The following AFF2 variants were observed in gnomAD, a reference collection of about 807,000 sequenced individuals.
AFF2 encodes AF4/FMR2 family member 2.
In AFF2, 14 loss-of-function variants were observed where a neutral mutation model predicts 76.9. The ratio of observed to expected loss-of-function variants is 0.18; its 90% CI spans 0.12 to 0.28. AFF2 has a LOEUF of 0.28. AFF2 is among the 10% of genes least tolerant of loss of function. The pLI is 1.00. For synonymous variants in AFF2, 398 were observed against 366.7 expected, an observed-to-expected ratio of 1.09 and a Z score of -0.98; for missense variants, 868 against 1,001.1, an observed-to-expected ratio of 0.87 and a Z score of 1.79.
chrX:148,895,078 C>T (rs1325326438), intron 8 of AFF2, among the ~76,000 whole-genome samples: 1 of 110,753 alleles, frequency 9.0e-6, no homozygotes, highest in African/African-American at 3.3e-5. Flanking sequence ...TCAATGGGTT[C>T]AAATTGTTAC....
chrX:148,780,734 C>G (rs1293642972), intron 3 of AFF2, among the ~76,000 whole-genome samples: 2 of 111,917 alleles, frequency 1.8e-5, no homozygotes, highest in African/African-American at 6.5e-5. Flanking sequence ...TACCCAGCTT[C>G]TGACGCCTAC....
At chrX:148,983,787 C>T (rs148245106) in intron 19 of AFF2, among the ~76,000 whole-genome samples, 1,503 of 108,466 alleles carry the variant, frequency 0.014, 21 homozygotes, top group South Asian at 0.066. Flanking sequence ...CCCCTATCCT[C>T]ATGCTATATA....
chrX:148,978,032 T>C (rs372374247), intron 17 of AFF2, 28 bp downstream of exon 17: 4 of 1,083,545 alleles, frequency 3.7e-6, no homozygotes, highest in Non-Finnish European at 5.1e-6. Flanking sequence ...CACAAGGAAA[T>C]TGCTGAAATG....
At chrX:148,826,392 A>C (rs1557272955) in intron 4 of AFF2, among the ~76,000 whole-genome samples, 1 of 111,565 alleles carries the variant, frequency 9.0e-6, no homozygotes, top group African/African-American at 3.3e-5. Flanking sequence ...TAATTAAAAA[A>C]AAAAAGACTT....
chrX:148,902,477 A>T (rs1011844470), intron 8 of AFF2, among the ~76,000 whole-genome samples: 9 of 111,448 alleles, frequency 8.1e-5, no homozygotes, highest in East Asian at 2.8e-4. Context: ...AGGGTTTTTT[A>T]AAAAAAAGGC....
At chrX:148,741,772 G>A (rs2055358645) in intron 3 of AFF2, among the ~76,000 whole-genome samples, 1 of 111,242 alleles carries the variant, frequency 9.0e-6, no homozygotes. Context: ...GTGGTGTCAG[G>A]CAAGAATGGG....
At chrX:148,724,755 G>A (rs190115751) in intron 3 of AFF2, among the ~76,000 whole-genome samples, 195 of 112,494 alleles carry the variant, frequency 1.7e-3, no homozygotes, top group African/African-American at 6.1e-3. Context: ...ATGTCATATA[G>A]TTAGAGTAAG....
chrX:148,558,509 G>A (rs782048003), intron 1 of AFF2, among the ~76,000 whole-genome samples: 1 of 111,319 alleles, frequency 9.0e-6, no homozygotes, highest in East Asian at 2.8e-4. Flanking sequence ...CACTGAGCTG[G>A]GTTCCCAATA....
rs2124469469 is a variant in AFF2, at chrX:148,662,743, A to T, written c.1016A>T (p.Lys339Met). ...GCCAGTTCAAAGACTAAACTGCCAA[A>T]GTTCACCATCCTCCAAACAAGTGAA... ...SAASSKTKLP[K>M]FTILQTSEVS... The change falls in exon 3 of 21, where the codon AAG becomes ATG. Residue 339 changes from lysine to methionine, a missense_variant. Physicochemically the swap from Lys to Met is moderately conservative, Grantham distance 95. This residue lies in a region of AFF2 where 532 missense variants were observed against 564.2 expected (regional missense o/e 0.94). Transcript: ENST00000370460. The T allele has an allele frequency of 1.7e-6, 2 of 1,209,252 alleles. No homozygotes were observed. Among genetic ancestry groups the T allele is most frequent in the Non-Finnish European group, 2.2e-6 (2 of 894,023 alleles).
chrX:148,825,162 A>C (rs184707585), intron 4 of AFF2, among the ~76,000 whole-genome samples: 1 of 111,845 alleles, frequency 8.9e-6, no homozygotes, highest in Admixed American at 9.4e-5. Context: ...TTCCTGCTAC[A>C]TGATTGGAGT....
At chrX:148,658,878 G>C (rs782589394) in intron 2 of AFF2, among the ~76,000 whole-genome samples, 86 of 111,998 alleles carry the variant, frequency 7.7e-4, no homozygotes, top group Middle Eastern at 4.6e-3. Context: ...TTTTGATATA[G>C]ACAGGGTATG....
At chrX:148,685,116 A>G (rs1163067673) in intron 3 of AFF2, among the ~76,000 whole-genome samples, 2 of 111,724 alleles carry the variant, frequency 1.8e-5, no homozygotes, top group African/African-American at 6.5e-5. Flanking sequence ...TAAGCATGCT[A>G]AGACCCAAAT....
intron 9 of AFF2, among the ~76,000 whole-genome samples, chrX:148,931,492 CT>C (rs1162427318): frequency 9.0e-6 from 1 of 111,514 alleles, no homozygotes; most frequent in Non-Finnish European, 1.9e-5. Context: ...ACTTTAGTCA[CT>C]ATATAAACAC....
chrX:148,644,735 C>T (rs1430269330), intron 1 of AFF2, among the ~76,000 whole-genome samples: 1 of 112,025 alleles, frequency 8.9e-6, no homozygotes, highest in African/African-American at 3.2e-5. Context: ...ATGATCTCTT[C>T]AGGTTAAGTT....
chrX:148,535,243 A>G (rs1172968470), intron 1 of AFF2, among the ~76,000 whole-genome samples: 1 of 111,408 alleles, frequency 9.0e-6, no homozygotes, highest in African/African-American at 3.3e-5. Context: ...TTAAATCCAA[A>G]CTCTTGAGGC....
intron 1 of AFF2, among the ~76,000 whole-genome samples, chrX:148,636,412 T>G (rs1190731049): frequency 3.6e-5 from 4 of 112,241 alleles, no homozygotes; most frequent in Non-Finnish European, 5.6e-5. Context: ...AGTAAATTGT[T>G]CATTTGGCTA....
At chrX:148,904,012 A>G (rs1297255148) in intron 8 of AFF2, among the ~76,000 whole-genome samples, 1 of 111,764 alleles carries the variant, frequency 8.9e-6, no homozygotes, top group Non-Finnish European at 1.9e-5. Context: ...TTCCACCTGT[A>G]TTGGAAAGCT....
At chrX:148,628,542 A>G (rs1444667806) in intron 1 of AFF2, among the ~76,000 whole-genome samples, 10 of 109,713 alleles carry the variant, frequency 9.1e-5, no homozygotes, top group Non-Finnish European at 1.1e-4. Flanking sequence ...GGCATTATAA[A>G]AAATTATTGG....
chrX:148,645,059 C>T (rs1304703581), intron 1 of AFF2, among the ~76,000 whole-genome samples: 1 of 111,769 alleles, frequency 8.9e-6, no homozygotes, highest in Non-Finnish European at 1.9e-5. Flanking sequence ...GTCTCTGTCT[C>T]AAAGGTCATA....
Sources: gnomAD v4.1 joint callset for allele counts (sites outside exome capture counted in the v4.1 genomes callset) on GRCh38, gnomAD v4.1.1 for gene constraint, gnomAD v4.1.1 regional missense constraint, MANE v1.5 for transcripts, NCBI Gene and HGNC (gene_info 2026-07-23, HGNC 2026-07-21) for gene names.